DNAJB11: variants seen among roughly 807,000 people sequenced by gnomAD.
The protein encoded by DNAJB11 is dnaJ homolog subfamily B member 11.
Under a neutral mutation model 47.2 loss-of-function variants are expected in DNAJB11, and 30 were observed. That is an observed-to-expected ratio of 0.64 (90% confidence interval 0.48 to 0.86). The LOEUF (loss-of-function observed/expected upper bound fraction) is 0.86. DNAJB11 is among the 40% of genes least tolerant of loss of function. The probability of loss-of-function intolerance (pLI) is 0.00; values close to 1 mark genes in which losing one functional copy is unlikely to be tolerated. For missense variants in DNAJB11, 357 were observed against 440.2 expected, an observed-to-expected ratio of 0.81 and a Z score of 1.69; for synonymous variants, 151 against 159.9, an observed-to-expected ratio of 0.94 and a Z score of 0.42.
chr3:186,578,124 T>C (rs1364045817), intron 4 of DNAJB11: 3 of 160,786 alleles, frequency 1.9e-5, no homozygotes, highest in Non-Finnish European at 2.7e-5. Context: ...TACTTTATCA[T>C]GTATATATGA....
chr3:186,575,372 T>C (rs34293675), intron 2 of DNAJB11, among the ~76,000 whole-genome samples: 4,255 of 61,804 alleles, frequency 0.069, 168 homozygotes, highest in African/African-American at 0.12. Context: ...CGCGCGCGTG[T>C]GTGTGTGTGT....
At chr3:186,582,223 G>C (rs1354723519) in intron 6 of DNAJB11, 146 bp downstream of exon 6, 1 of 640,060 alleles carries the variant, frequency 1.6e-6, no homozygotes, top group East Asian at 2.8e-5. Context: ...GCCAATTTTA[G>C]GATATACAAA....
In DNAJB11 at chr3:186,581,462, G is replaced by A; in HGVS notation, c.548G>A (p.Gly183Glu). The change falls in exon 5 of 10, where the codon GGG becomes GAG. Residue 183 changes from glycine (G) to glutamate (E), a missense_variant. By Grantham distance (98) the Gly-to-Glu change is moderately conservative. Transcript: ENST00000265028. ...QEMRTTQLGPGRFQMTQEVVC... is the reference protein window; with the variant it reads ...QEMRTTQLGPERFQMTQEVVC... ...ATGCGGACCACCCAGCTGGGCCCTG[G>A]GCGCTTCCAAATGACCCAGGAGGTG... 6.2e-7 allele frequency: 1 copy of A among 1,613,762 alleles called. No homozygotes were observed. The highest frequency in any genetic ancestry group is 8.5e-7 in the Non-Finnish European group (1 of 1,179,928).
chr3:186,570,879 G>T lies in DNAJB11; in HGVS notation c.-19G>T. ...AGGCTGTGAGGAGTGTGTGGAACAG[G>T]ACCCGGGACAGAGGAACCATGGCTC... is the stretch of plus-strand genomic sequence containing the variant. On this transcript the variant is annotated 5_prime_UTR_variant, in exon 1 of 10. Transcript: ENST00000265028. 1.2e-6 allele frequency: 2 copies of T among 1,601,158 alleles called. No individual in the cohort carries two copies. The highest frequency in any genetic ancestry group is 1.7e-6 in the Non-Finnish European group (2 of 1,173,740).
At chr3:186,575,999 G>C (rs777000512) in intron 3 of DNAJB11, 62 bp downstream of exon 3, 63 of 1,229,996 alleles carry the variant, frequency 5.1e-5, no homozygotes, top group Non-Finnish European at 7.5e-5. Flanking sequence ...AGCGATTAAA[G>C]AATTATTCTC....
rs1292190082 is a variant in DNAJB11, at chr3:186,585,616, ATACC to A, written c.*210_*213del. ...AGAATGACCAGCAAAAGGTTTACTAATACCTCTCCCTTTGGGGATTTAATGTCTG... is the reference window on the plus strand; with the variant it reads ...AGAATGACCAGCAAAAGGTTTACTAATCTCCCTTTGGGGATTTAATGTCTG... On this transcript the variant is annotated 3_prime_UTR_variant, in exon 10 of 10. Transcript: ENST00000265028. 2.7e-6 allele frequency: 1 copy of A among 368,506 alleles called. No homozygotes were observed. The highest frequency in any genetic ancestry group is 5.0e-6 in the Non-Finnish European group (1 of 200,718). The allele number at this position is 368,506 out of a possible 1,614,324, so 22.8% of individuals were successfully genotyped here.
chr3:186,578,574 A>G (rs1371099274), intron 4 of DNAJB11: 1 of 152,186 alleles, frequency 6.6e-6, no homozygotes, highest in African/African-American at 2.4e-5. Context: ...TTGCTCATCA[A>G]ATGGGTATAA....
intron 8 of DNAJB11, 103 bp downstream of exon 8, chr3:186,584,079 T>C (rs1176739225): frequency 2.4e-6 from 2 of 840,930 alleles, no homozygotes; most frequent in African/African-American, 3.4e-5. Flanking sequence ...GATGGACTCC[T>C]TTCTTGGTCG....
intron 3 of DNAJB11, among the ~76,000 whole-genome samples, chr3:186,576,870 A>G (rs1464577653): frequency 1.3e-5 from 2 of 152,126 alleles, no homozygotes; most frequent in Non-Finnish European, 2.9e-5. Flanking sequence ...GCCTTTATTT[A>G]AGATTCAGGG....
At chr3:186,575,140 C>T (rs1195189587) in intron 2 of DNAJB11, among the ~76,000 whole-genome samples, 4 of 152,080 alleles carry the variant, frequency 2.6e-5, no homozygotes, top group Admixed American at 2.6e-4. Context: ...CCTTGAATAA[C>T]CTTCATAGAG....
At chr3:186,577,916 A>G in intron 4 of DNAJB11, 116 bp downstream of exon 4, 2 of 809,356 alleles carry the variant, frequency 2.5e-6, no homozygotes, top group Non-Finnish European at 3.7e-6. Flanking sequence ...AGAGTGATCA[A>G]ATGCACAAAA....
Position 186,585,490 on chromosome 3 carries a change from G to T in DNAJB11, c.*82G>T. 8.9e-7 allele frequency: 1 copy of T among 1,129,760 alleles called. No individual in the cohort carries two copies. Among genetic ancestry groups the T allele is most frequent in the South Asian group, 1.5e-5 (1 of 68,938 alleles). 70.0% of individuals were successfully genotyped at this position (1,129,760 alleles called of 1,614,324 possible). ...GCAAGGTTTTTTTGTGTGTGTTTTT[G>T]TTTTTATTTTCAATATGCAAGTTAG... On this transcript the variant is annotated 3_prime_UTR_variant, in exon 10 of 10. Coordinates refer to ENST00000265028, the MANE Select transcript of DNAJB11 (RefSeq NM_016306.6).
chr3:186,576,072 G>A, intron 3 of DNAJB11, 135 bp downstream of exon 3: 4 of 611,930 alleles, frequency 6.5e-6, no homozygotes, highest in Middle Eastern at 2.7e-4. Flanking sequence ...ATCAATTATT[G>A]TCCTCCCTGT....
At chr3:186,571,045 A>G in intron 1 of DNAJB11, 80 bp downstream of exon 1, 1 of 1,201,320 alleles carries the variant, frequency 8.3e-7, no homozygotes, top group Non-Finnish European at 1.2e-6. Flanking sequence ...GGGAAGTGGC[A>G]TTGCCAGACT....
At chr3:186,584,071 T>C in intron 8 of DNAJB11, 95 bp downstream of exon 8, 1 of 882,194 alleles carries the variant, frequency 1.1e-6, no homozygotes, top group Non-Finnish European at 1.9e-6. Flanking sequence ...GAGAACCAGA[T>C]GGACTCCTTT....
At position 186,582,045 on chromosome 3, in the gene DNAJB11, G is replaced by C; in HGVS notation, c.650G>C (p.Arg217Thr). 1 of 1,613,888 alleles carries C rather than the reference G, an allele frequency of 6.2e-7. No individual in the cohort carries two copies. The highest frequency in any genetic ancestry group is 1.3e-5 in the African/African-American group (1 of 75,052). ...TLEVEIEPGV[R>T]DGMEYPFIGE... ...GAAGTAGAAATAGAGCCTGGGGTGA[G>C]AGACGGCATGGAGTACCCCTTTATT... Residue 217 changes from arginine to threonine, a missense_variant, in exon 6 of 10, where the codon AGA (arginine) becomes ACA (threonine). Physicochemically the swap from Arg to Thr is moderately conservative, Grantham distance 71 (BLOSUM62 -1). Coordinates refer to ENST00000265028, the MANE Select transcript of DNAJB11 (RefSeq NM_016306.6).
At chr3:186,583,723 T>C (rs1715565015) in intron 7 of DNAJB11, 142 bp from the exon 8 acceptor site, 9 of 625,786 alleles carry the variant, frequency 1.4e-5, no homozygotes, top group Middle Eastern at 8.3e-4. Context: ...CTTTATATTC[T>C]CGATTAATAC....
At chr3:186,578,793 T>C (rs1024552528) in intron 4 of DNAJB11, 3 of 152,268 alleles carry the variant, frequency 2.0e-5, no homozygotes, top group Non-Finnish European at 2.9e-5. Context: ...TATCTGTTTG[T>C]AACTTGTCTT....
Position 186,577,799 on chromosome 3 carries a change from A to C in DNAJB11, c.455A>C (p.Glu152Ala). 6.3e-7 allele frequency: 1 copy of C among 1,597,042 alleles called. No individual in the cohort carries two copies. Among genetic ancestry groups the C allele is most frequent in the Non-Finnish European group, 8.5e-7 (1 of 1,174,168 alleles). ...LEEVYAGNFVEVVRNKPVARQ... is the reference protein window; with the variant it reads ...LEEVYAGNFVAVVRNKPVARQ... ...GAAGTATATGCAGGAAATTTTGTGGAAGTAAGTTCAAACAATATAGCTGTT... is the reference window on the plus strand; with the variant it reads ...GAAGTATATGCAGGAAATTTTGTGGCAGTAAGTTCAAACAATATAGCTGTT... Residue 152 changes from glutamate to alanine, a missense_variant and splice_region_variant, in exon 4 of 10, where the codon GAA (glutamate) becomes GCA (alanine). By Grantham distance (107) the Glu-to-Ala change is moderately radical. Coordinates refer to ENST00000265028, the MANE Select transcript of DNAJB11 (RefSeq NM_016306.6).
Sources: gnomAD v4.1 joint callset for allele counts (sites outside exome capture counted in the v4.1 genomes callset) on GRCh38, gnomAD v4.1.1 for gene constraint, MANE v1.5 for transcripts, NCBI Gene and HGNC (gene_info 2026-07-23, HGNC 2026-07-21) for gene names.